The following DNAH7 variants were observed in gnomAD, a reference collection of about 807,000 sequenced individuals.
DNAH7 encodes dynein axonemal heavy chain 7.
Under a neutral mutation model 444.6 loss-of-function variants are expected in DNAH7, and 397 were observed. The observed-to-expected ratio is 0.89, with a 90% confidence interval of 0.82 to 0.97. The LOEUF (loss-of-function observed/expected upper bound fraction) is 0.97. DNAH7 is among the 50% of genes least tolerant of loss of function. The pLI, the probability that DNAH7 is intolerant of heterozygous loss-of-function variation, is 0.00. For synonymous variants in DNAH7, 1,636 were observed against 1,624.4 expected, an observed-to-expected ratio of 1.01 and a Z score of -0.17; for missense variants, 4,902 against 4,800.8, an observed-to-expected ratio of 1.02 and a Z score of -0.62.
At chr2:196,012,673 T>C (rs1694790527) in intron 10 of DNAH7, 114 bp downstream of exon 10, 2 of 1,065,812 alleles carry the variant, frequency 1.9e-6, no homozygotes, top group East Asian at 2.7e-5. Flanking sequence ...ATTTAAATCA[T>C]GTAGAAATGA....
intron 5 of DNAH7, among the ~76,000 whole-genome samples, chr2:196,043,294 G>T (rs759525077): frequency 2.6e-5 from 4 of 151,794 alleles, no homozygotes; most frequent in Non-Finnish European, 4.4e-5. Flanking sequence ...CCCCAAAAAA[G>T]GTTAGAGAGA....
chr2:195,847,612 A>T (rs1007701080), intron 46 of DNAH7, among the ~76,000 whole-genome samples: 1 of 151,974 alleles, frequency 6.6e-6, no homozygotes, highest in Non-Finnish European at 1.5e-5. Flanking sequence ...TGGTTATGTA[A>T]AAAACCTGCA....
chr2:196,036,784 C>G (rs1292726778), intron 5 of DNAH7, among the ~76,000 whole-genome samples: 2 of 152,196 alleles, frequency 1.3e-5, no homozygotes, highest in African/African-American at 2.4e-5. Context: ...ATCTATGCAA[C>G]CCATCTGGGC....
rs2125414194 is a variant in DNAH7, at chr2:195,936,675, G to C, written c.3196C>G (p.Leu1066Val). The change falls in exon 20 of 65, where the codon CTC (leucine) becomes GTC (valine). Residue 1066 changes from leucine (L) to valine (V), a missense_variant. Physicochemically the swap from Leu to Val is conservative, Grantham distance 32. Transcript: ENST00000312428. ...AAAAAAAAGAATCTGGGGAAAAAGA[G>C]GCGTTTCTTTTCCAAATATTCATTA... The part of the protein sequence containing the change: ...GLNEYLEKKR[L>V]FFPRFFFLSN... 6.2e-7 allele frequency: 1 copy of C among 1,604,818 alleles called. No homozygotes were observed.
intron 5 of DNAH7, among the ~76,000 whole-genome samples, chr2:196,041,240 G>A (rs780474780): frequency 1.3e-5 from 2 of 151,734 alleles, no homozygotes; most frequent in Non-Finnish European, 2.9e-5. Flanking sequence ...ACCCCAAATA[G>A]CCCTAATCCT....
Position 195,891,077 on chromosome 2 carries a change from A to G in DNAH7, c.5046+578T>C, listed in dbSNP as rs559525557. The stretch of plus-strand genomic sequence containing the variant: ...TCTTTTTATGGGAGTGGGCAGCAGA[A>G]TAAGCCAGGAGTAGGTTAAGTGCCC... On this transcript the variant is annotated intron_variant, in intron 31 of 64. Coordinates refer to ENST00000312428, the MANE Select transcript of DNAH7 (RefSeq NM_018897.3). Among the ~76,000 whole-genome samples the G allele has an allele frequency of 7.2e-5, 11 of 152,330 alleles. No homozygotes were observed. The South Asian group carries it at 2.3e-3, about 32-fold the overall frequency.
chr2:196,020,671 C>T (rs1000524079), intron 8 of DNAH7, among the ~76,000 whole-genome samples: 9 of 147,544 alleles, frequency 6.1e-5, no homozygotes, highest in Non-Finnish European at 1.3e-4. Flanking sequence ...AGTGCAGTGG[C>T]ACGATCTCAG....
chr2:195,803,270 T>C (rs539502678), intron 54 of DNAH7, among the ~76,000 whole-genome samples: 6 of 152,332 alleles, frequency 3.9e-5, no homozygotes, highest in African/African-American at 1.4e-4. Context: ...TGAAGCAAGT[T>C]TGAATTATAA....
chr2:195,857,858 G>A, intron 43 of DNAH7, 135 bp from the exon 44 acceptor site: 2 of 741,992 alleles, frequency 2.7e-6, no homozygotes, highest in Non-Finnish European at 4.1e-6. Context: ...TAATAGAACT[G>A]CACTTACACT....
intron 12 of DNAH7, chr2:195,994,534 T>C: frequency 4.1e-6 from 2 of 484,838 alleles, no homozygotes; most frequent in Non-Finnish European, 8.1e-6. Context: ...TTAGAGATAT[T>C]CCCATTGTGG....
Position 195,864,243 on chromosome 2 carries a change from A to C in DNAH7, c.7412T>G (p.Val2471Gly). 6.2e-7 allele frequency: 1 copy of C among 1,614,192 alleles called. No individual in the cohort carries two copies. The highest frequency in any genetic ancestry group is 8.5e-7 in the Non-Finnish European group (1 of 1,180,022). Residue 2471 changes from valine to glycine, a missense_variant, in exon 41 of 65, where the codon GTG becomes GGG. Physicochemically the swap from Val to Gly is moderately radical, Grantham distance 109. Transcript: ENST00000312428. ...TCCAATGGGACTCATGGCAAGGACCACATGCAGTTGGCTGCGGCAATGATC... is the reference window on the plus strand; with the variant it reads ...TCCAATGGGACTCATGGCAAGGACCCCATGCAGTTGGCTGCGGCAATGATC... ...FIDHCRSQLH[V>G]VLAMSPIGDA...
At chr2:195,767,635 AAAAT>A (rs1380855508) in intron 61 of DNAH7, among the ~76,000 whole-genome samples, 2 of 151,992 alleles carry the variant, frequency 1.3e-5, no homozygotes, top group Non-Finnish European at 2.9e-5. Context: ...AATTAAATTA[AAAAT>A]AAAGTTAAGA....
chr2:195,975,212 A>T (rs145071928), intron 15 of DNAH7, among the ~76,000 whole-genome samples: 95 of 152,256 alleles, frequency 6.2e-4, no homozygotes, highest in African/African-American at 2.2e-3. Flanking sequence ...GAGGGTAGGA[A>T]AGATAGTCTT....
At chr2:196,055,220 G>T (rs1210967960) in intron 2 of DNAH7, among the ~76,000 whole-genome samples, 1 of 152,066 alleles carries the variant, frequency 6.6e-6, no homozygotes, top group South Asian at 2.1e-4. Context: ...GCTAGGCGTG[G>T]TGACCCATGC....
At chr2:195,877,607 TC>T (rs1244014319) in intron 36 of DNAH7, among the ~76,000 whole-genome samples, 2 of 152,224 alleles carry the variant, frequency 1.3e-5, no homozygotes, top group Non-Finnish European at 2.9e-5. Context: ...GGAATATTAA[TC>T]TATTCATCAA....
chr2:195,754,147 TTC>T (rs1267321260), intron 63 of DNAH7, among the ~76,000 whole-genome samples, 188 bp downstream of exon 63: 3 of 152,160 alleles, frequency 2.0e-5, no homozygotes, highest in Non-Finnish European at 2.9e-5. Flanking sequence ...CCCTCACCCC[TTC>T]TCTTTCTCTC....
At chr2:195,952,500 T>G (rs992279296) in intron 19 of DNAH7, among the ~76,000 whole-genome samples, 3 of 152,216 alleles carry the variant, frequency 2.0e-5, no homozygotes, top group Non-Finnish European at 4.4e-5. Flanking sequence ...GAAGTTCTCC[T>G]GGATAATATC....
Position 195,900,406 on chromosome 2 carries a change from C to A in DNAH7, c.4424G>T (p.Arg1475Leu), listed in dbSNP as rs778327508. The change falls in exon 28 of 65, where the codon CGA (arginine) becomes CTA (leucine). Residue 1475 changes from arginine to leucine, a missense_variant. Physicochemically the swap from Arg to Leu is moderately radical, Grantham distance 102. Coordinates refer to ENST00000312428, the MANE Select transcript of DNAH7 (RefSeq NM_018897.3). ...VLYSCGFVTARPLSVKIVATY... is the reference protein window; with the variant it reads ...VLYSCGFVTALPLSVKIVATY... The stretch of plus-strand genomic sequence containing the variant: ...AGCCACAATTTTTACAGACAGTGGT[C>A]GAGCAGTGACAAACCCACAGGAGTA... 1.9e-6 allele frequency: 3 copies of A among 1,613,732 alleles called. No homozygotes were observed. The highest frequency in any genetic ancestry group is 1.7e-5 in the Admixed American group (1 of 59,974).
At chr2:195,832,877 C>G (rs1440360190) in intron 48 of DNAH7, among the ~76,000 whole-genome samples, 2 of 151,978 alleles carry the variant, frequency 1.3e-5, no homozygotes, top group African/African-American at 4.8e-5. Flanking sequence ...AGTAAATGTT[C>G]AACAAAAAAC....
Sources: allele counts gnomAD v4.1 joint callset (sites outside exome capture counted in the v4.1 genomes callset), GRCh38; gene constraint gnomAD v4.1.1; transcripts MANE v1.5; gene names NCBI Gene and HGNC (gene_info 2026-07-23, HGNC 2026-07-21).